The following THRAP3 variants were observed in gnomAD, a reference collection of about 807,000 sequenced individuals.
THRAP3 encodes thyroid hormone receptor-associated protein 3.
A neutral mutation model predicts 101.0 loss-of-function variants in THRAP3; 16 were observed. The ratio of observed to expected loss-of-function variants is 0.16; its 90% CI spans 0.11 to 0.24. The LOEUF (loss-of-function observed/expected upper bound fraction) is 0.24, where lower values mean the gene tolerates loss of function less well. Among genes scored for constraint, THRAP3 ranks in the 10% least tolerant of loss-of-function variants. The pLI is 1.00. For missense variants in THRAP3, 989 were observed against 1,202.7 expected, an observed-to-expected ratio of 0.82 and a Z score of 2.63; for synonymous variants, 407 against 422.6, an observed-to-expected ratio of 0.96 and a Z score of 0.45.
At chr1:36,301,735 T>A (rs1038632390) in intron 11 of THRAP3, 39 bp downstream of exon 11, 1 of 1,586,070 alleles carries the variant, frequency 6.3e-7, no homozygotes, top group Admixed American at 1.8e-5. Context: ...TTAGAGGGCC[T>A]TTGACACACA....
Position 36,296,756 on chromosome 1 carries a change from A to T in THRAP3, c.2289A>T (p.Gly763=). The T allele has an allele frequency of 6.3e-7, 1 of 1,592,238 alleles. No homozygotes were observed. The highest frequency in any genetic ancestry group is 1.2e-5 in the South Asian group (1 of 86,882). ...AAAAAACAGAGAAAACTCATAAAGG[A>T]TCAAAGAAACAGAAGTACGTAAGCC... ...SAEKTEKTHK[G]SKKQKKHRRA... is the part of the protein sequence containing the mutation. Residue 763 remains glycine, a synonymous_variant, in exon 9 of 12, where the codon GGA becomes GGT. Coordinates refer to ENST00000354618, the MANE Select transcript of THRAP3 (RefSeq NM_005119.4).
intron 2 of THRAP3, among the ~76,000 whole-genome samples, chr1:36,267,669 T>G (rs1645533302): frequency 1.1e-4 from 1 of 9,520 alleles, no homozygotes; most frequent in African/African-American, 1.3e-4. Flanking sequence ...AGCAGATTCT[T>G]TTGTTATTTG....
intron 1 of THRAP3, among the ~76,000 whole-genome samples, chr1:36,247,916 C>T (rs1645251007): frequency 7.4e-5 from 11 of 147,864 alleles, no homozygotes; most frequent in Admixed American, 7.4e-4. Context: ...GCTCTGTCAC[C>T]CCGCCCAGGC....
At chr1:36,233,322 A>G (rs1185039289) in intron 1 of THRAP3, among the ~76,000 whole-genome samples, 3 of 151,364 alleles carry the variant, frequency 2.0e-5, no homozygotes, top group Non-Finnish European at 2.9e-5. Flanking sequence ...CCTGGCTAAC[A>G]TGGTGAAACC....
In THRAP3 at chr1:36,270,236, A is replaced by T. The variant is rs1387988514; in HGVS notation, c.-32+10752A>T. Among the ~76,000 whole-genome samples, 7 of 152,164 alleles carry T rather than the reference A, an allele frequency of 4.6e-5. No individual in the cohort carries two copies. The East Asian group carries it at 1.2e-3, about 25-fold the overall frequency. On this transcript the variant is annotated intron_variant, in intron 2 of 11. Coordinates refer to ENST00000354618, the MANE Select transcript of THRAP3 (RefSeq NM_005119.4). ...AGACCTTGTCTCTACAAAAAATACG[A>T]AAAGTTAGCCAGCTGTAGTGGCACA...
intron 1 of THRAP3, chr1:36,224,877 C>G (rs1160203126): frequency 6.6e-6 from 1 of 152,418 alleles, no homozygotes; most frequent in Non-Finnish European, 1.5e-5. Context: ...GTGCCCTTCC[C>G]CCCACCCAGT....
chr1:36,235,160 G>A (rs754921112), intron 1 of THRAP3, among the ~76,000 whole-genome samples: 5 of 152,036 alleles, frequency 3.3e-5, no homozygotes, highest in South Asian at 2.1e-4. Context: ...GCTGCAGGGG[G>A]GGTTATTGTG....
intron 2 of THRAP3, among the ~76,000 whole-genome samples, chr1:36,277,661 C>A (rs1411882301): frequency 6.6e-6 from 1 of 152,148 alleles, no homozygotes; most frequent in Admixed American, 6.5e-5. Flanking sequence ...GCATGCACCA[C>A]CATGCCTGGC....
intron 2 of THRAP3, among the ~76,000 whole-genome samples, chr1:36,260,062 T>G (rs1242547162): frequency 2.0e-5 from 3 of 151,720 alleles, no homozygotes. Flanking sequence ...GCCAACATAG[T>G]GAAACCCCGT....
chr1:36,270,571 G>GGTTTTT (rs1553121666), intron 2 of THRAP3, among the ~76,000 whole-genome samples: 417 of 31,878 alleles, frequency 0.013, 12 homozygotes, highest in African/African-American at 0.028. Flanking sequence ...ATTTGTTTAG[G>GGTTTTT]TTTTTGTTTT....
chr1:36,266,354 C>A (rs1645515071), intron 2 of THRAP3, among the ~76,000 whole-genome samples: 1 of 151,992 alleles, frequency 6.6e-6, no homozygotes, highest in Non-Finnish European at 1.5e-5. Flanking sequence ...CAACAACAAA[C>A]AAGAAAAATT....
At chr1:36,223,494 GGCATAGGGAGGA>G (rs1314551138), upstream of THRAP3, among the ~76,000 whole-genome samples, 2 of 152,206 alleles carry the variant, frequency 1.3e-5, no homozygotes, top group Non-Finnish European at 2.9e-5. Context: ...TGGGAACACA[GGCATAGGGAGGA>G]GCTAGTCAAC....
rs760977605 is a variant in THRAP3, at chr1:36,291,358, C to T, written c.1746-16C>T. 1 of 1,611,482 alleles carries T rather than the reference C, an allele frequency of 6.2e-7. No homozygotes were observed. Among genetic ancestry groups the T allele is most frequent in the Admixed American group, 1.7e-5 (1 of 59,728 alleles). ...GTATTGTGTTCTAATTGGGCCTCCC[C>T]ATATTTCTTTTTCAGACCCAGTGGC... On this transcript the variant is annotated splice_polypyrimidine_tract_variant and intron_variant, in intron 5 of 11. Transcript: ENST00000354618.
chr1:36,273,837 T>A (rs1338305648), intron 2 of THRAP3, among the ~76,000 whole-genome samples: 1 of 152,044 alleles, frequency 6.6e-6, no homozygotes, highest in East Asian at 1.9e-4. Flanking sequence ...GGTCAGGAGT[T>A]TGAGACCAGC....
At chr1:36,256,473 C>T (rs1486428773) in intron 1 of THRAP3, among the ~76,000 whole-genome samples, 1 of 152,064 alleles carries the variant, frequency 6.6e-6, no homozygotes, top group African/African-American at 2.4e-5. Context: ...GATCCGCCCG[C>T]CTCGGCCTCC....
chr1:36,271,583 TTTC>T (rs1645591873), intron 2 of THRAP3, among the ~76,000 whole-genome samples: 3 of 137,996 alleles, frequency 2.2e-5, no homozygotes, highest in South Asian at 2.3e-4. Context: ...GCCCAGGCTT[TTTC>T]TTATCTTTTT....
intron 1 of THRAP3, among the ~76,000 whole-genome samples, chr1:36,242,450 A>ATTTTT (rs34973754): frequency 1.1e-5 from 1 of 90,530 alleles, no homozygotes. Context: ...GTCTGTTTTG[A>ATTTTT]TTTTTTTTTT....
At chr1:36,259,328 CA>C (rs1157523073) in intron 1 of THRAP3, 53 bp from the exon 2 acceptor site, 4 of 398,182 alleles carry the variant, frequency 1.0e-5, no homozygotes, top group African/African-American at 6.2e-5. Flanking sequence ...GCATCAGTAA[CA>C]GAATCTGCAT....
intron 1 of THRAP3, among the ~76,000 whole-genome samples, chr1:36,242,439 C>T (rs1225771225): frequency 3.4e-5 from 5 of 146,438 alleles, no homozygotes; most frequent in Non-Finnish European, 5.9e-5. Flanking sequence ...AGGTGCGAGC[C>T]GTCTGTTTTG....
Sources: gnomAD v4.1 joint callset for allele counts (sites outside exome capture counted in the v4.1 genomes callset) on GRCh38, gnomAD v4.1.1 for gene constraint, MANE v1.5 for transcripts, NCBI Gene and HGNC (gene_info 2026-07-23, HGNC 2026-07-21) for gene names.